NOL10: variants seen among roughly 807,000 people sequenced by gnomAD.
NOL10 encodes the protein nucleolar protein 10, also known as H_NH0074G24.1.
Under a neutral mutation model 103.5 loss-of-function variants are expected in NOL10, and 58 were observed. The ratio of observed to expected loss-of-function variants is 0.56; its 90% CI spans 0.45 to 0.70. The LOEUF (loss-of-function observed/expected upper bound fraction) is 0.70, where lower values mean the gene tolerates loss of function less well. NOL10 is among the 30% of genes least tolerant of loss of function. The pLI is 0.00. For synonymous variants in NOL10, 287 were observed against 282.5 expected, an observed-to-expected ratio of 1.02 and a Z score of -0.16; for missense variants, 763 against 807.3, an observed-to-expected ratio of 0.95 and a Z score of 0.67.
chr2:10,587,345 A>G (rs1675164661), intron 19 of NOL10, among the ~76,000 whole-genome samples: 1 of 141,728 alleles, frequency 7.1e-6, no homozygotes, highest in Admixed American at 7.3e-5. Flanking sequence ...ATCTCAGCTC[A>G]CTGCAACCTC....
chr2:10,689,880 T>A lies in NOL10; in HGVS notation c.-19A>T. ...CCTGCATGGCGCCGCACAACACTGT[T>A]CAAGTCCCGGGTCCTTTCCCACCAG... On this transcript the variant is annotated 5_prime_UTR_variant, in exon 1 of 21. Transcript: ENST00000381685. 6.3e-7 allele frequency: 1 copy of A among 1,597,850 alleles called. No homozygotes were observed.
chr2:10,643,484 G>C (rs950826176), intron 13 of NOL10, among the ~76,000 whole-genome samples: 1 of 151,996 alleles, frequency 6.6e-6, no homozygotes, highest in Admixed American at 6.6e-5. Flanking sequence ...TTATGAAATC[G>C]TATTTCCTTG....
At chr2:10,676,960 AT>A (rs1363812187) in intron 3 of NOL10, among the ~76,000 whole-genome samples, 1 of 149,386 alleles carries the variant, frequency 6.7e-6, no homozygotes, top group African/African-American at 2.5e-5. Context: ...TTTCTTTGAA[AT>A]GGGGTCTTGC....
In NOL10 at chr2:10,631,074, T is replaced by G. The variant is rs1317445973; in HGVS notation, c.1026+13246A>C. ...TGTCTAATAGGGCTCTGCTTAAATG[T>G]GCACTTTAGATGAAAGTGTGATCTA... On this transcript the variant is annotated intron_variant, in intron 13 of 20. Transcript: ENST00000381685. 3.9e-5 allele frequency among the ~76,000 whole-genome samples: 6 copies of G among 152,228 alleles called. No individual in the cohort carries two copies. In the East Asian group the frequency reaches 1.2e-3, roughly 29 times the overall value.
At chr2:10,612,014 C>T (rs941814160) in intron 13 of NOL10, among the ~76,000 whole-genome samples, 1 of 151,852 alleles carries the variant, frequency 6.6e-6, no homozygotes, top group East Asian at 1.9e-4. Context: ...AAATATTATC[C>T]CAGGAGGGTG....
chr2:10,580,217 T>C (rs947240712), intron 19 of NOL10, among the ~76,000 whole-genome samples: 1 of 152,206 alleles, frequency 6.6e-6, no homozygotes, highest in Admixed American at 6.5e-5. Context: ...GACACTGCTG[T>C]AGGAACACCT....
chr2:10,637,787 G>T (rs1452060284), intron 13 of NOL10, among the ~76,000 whole-genome samples: 2 of 152,294 alleles, frequency 1.3e-5, no homozygotes, highest in Non-Finnish European at 2.9e-5. Flanking sequence ...GCTCCAGTGC[G>T]ATTCTGAACA....
At chr2:10,575,989 G>C (rs1480292511) in intron 20 of NOL10, among the ~76,000 whole-genome samples, 1 of 152,234 alleles carries the variant, frequency 6.6e-6, no homozygotes, top group Non-Finnish European at 1.5e-5. Flanking sequence ...TTAGAATAAT[G>C]AAGTTTTTTA....
In NOL10 at chr2:10,627,306, T is replaced by C. The variant is rs372785954; in HGVS notation, c.1026+17014A>G. Among the ~76,000 whole-genome samples the C allele has an allele frequency of 3.3e-4, 50 of 152,340 alleles. No homozygotes were observed. In the East Asian group the frequency reaches 8.9e-3, roughly 27 times the overall value. ...GTCTTATCTTTCCGGATCTTTCTTA[T>C]AGGCTTGGCTTTATCATTGTAATAC... On this transcript the variant is annotated intron_variant, in intron 13 of 20. Coordinates refer to ENST00000381685, the MANE Select transcript of NOL10 (RefSeq NM_024894.4).
intron 13 of NOL10, among the ~76,000 whole-genome samples, chr2:10,608,250 G>A (rs1185039984): frequency 6.6e-6 from 1 of 152,076 alleles, no homozygotes; most frequent in Non-Finnish European, 1.5e-5. Flanking sequence ...CAGGCTCCAC[G>A]AGTTATCCCA....
intron 20 of NOL10, among the ~76,000 whole-genome samples, chr2:10,575,472 C>A (rs2148137725): frequency 6.6e-6 from 1 of 152,322 alleles, no homozygotes; most frequent in East Asian, 1.9e-4. Context: ...AGGAAACACA[C>A]ACATCAAACA....
At chr2:10,583,622 C>T (rs370484909) in intron 19 of NOL10, among the ~76,000 whole-genome samples, 16 of 152,372 alleles carry the variant, frequency 1.1e-4, no homozygotes, top group Admixed American at 9.8e-4. Context: ...GACATCTCTA[C>T]GTCATCCCTG....
chr2:10,651,932 G>C (rs1249754278), intron 12 of NOL10, among the ~76,000 whole-genome samples: 2 of 152,170 alleles, frequency 1.3e-5, no homozygotes, highest in African/African-American at 4.8e-5. Context: ...TCTTGGGAGA[G>C]CAGTGTGCAA....
intron 3 of NOL10, among the ~76,000 whole-genome samples, chr2:10,679,092 G>C (rs141897379): frequency 0.02 from 2,996 of 152,128 alleles, 48 homozygotes; most frequent in Non-Finnish European, 0.029. Flanking sequence ...GGGTGCGGTG[G>C]CTTACATCTG....
rs1050810147 is a variant in NOL10 at position 10,636,393 on chromosome 2, T to C, written c.1026+7927A>G. Among the ~76,000 whole-genome samples, 4 of 104,266 alleles carry C rather than the reference T, an allele frequency of 3.8e-5. No homozygotes were observed. In the South Asian group the frequency reaches 9.2e-4, roughly 24 times the overall value. The allele number at this position is 104,266 out of a possible 152,430, so 68.4% of individuals were successfully genotyped here. On this transcript the variant is annotated intron_variant, in intron 13 of 20. Coordinates refer to ENST00000381685, the MANE Select transcript of NOL10 (RefSeq NM_024894.4). The stretch of plus-strand genomic sequence containing the variant: ...GAGTTGGCGACCAGCCTGGGCAACA[T>C]AGTGAAACCCTGTCTCTACAAAAAA...
chr2:10,668,610 C>A (rs773257463), intron 7 of NOL10, 48 bp downstream of exon 7: 1 of 983,838 alleles, frequency 1.0e-6, no homozygotes, highest in Non-Finnish European at 1.5e-6. Context: ...GCATCTGGCT[C>A]CACCTCCTGG....
At chr2:10,667,510 C>A (rs1462944148) in intron 7 of NOL10, among the ~76,000 whole-genome samples, 1 of 152,114 alleles carries the variant, frequency 6.6e-6, no homozygotes, top group Non-Finnish European at 1.5e-5. Context: ...AGGTGACAAA[C>A]AAGGAGGGAC....
At chr2:10,670,373 G>A (rs1256874840) in intron 6 of NOL10, among the ~76,000 whole-genome samples, 4 of 152,028 alleles carry the variant, frequency 2.6e-5, no homozygotes, top group South Asian at 4.1e-4. Context: ...AATTTATCTC[G>A]TTAAATATTG....
intron 13 of NOL10, among the ~76,000 whole-genome samples, chr2:10,627,928 TA>T (rs1431359320): frequency 2.6e-5 from 4 of 152,054 alleles, no homozygotes; most frequent in Non-Finnish European, 5.9e-5. Context: ...AATAAAAAAT[TA>T]AAAATATACA....
Sources: gnomAD v4.1 joint callset for allele counts (sites outside exome capture counted in the v4.1 genomes callset) on GRCh38, gnomAD v4.1.1 for gene constraint, MANE v1.5 for transcripts, NCBI Gene and HGNC (gene_info 2026-07-23, HGNC 2026-07-21) for gene names.